RNF216: variants seen among roughly 807,000 people sequenced by gnomAD.
The protein encoded by RNF216 is E3 ubiquitin-protein ligase RNF216.
Under a neutral mutation model 110.8 loss-of-function variants are expected in RNF216, and 72 were observed. The observed-to-expected ratio is 0.65, with a 90% CI of 0.54 to 0.79. RNF216 has a LOEUF of 0.79. Ranked by LOEUF, RNF216 falls within the 30% of genes least tolerant of loss-of-function variation. The pLI is 0.00. For synonymous variants in RNF216, 495 were observed against 407.5 expected, an observed-to-expected ratio of 1.21 and a Z score of -2.59; for missense variants, 1,342 against 1,141.2, an observed-to-expected ratio of 1.18 and a Z score of -2.54.
intron 13 of RNF216, among the ~76,000 whole-genome samples, chr7:5,710,033 C>A (rs183897450): frequency 9.1e-4 from 138 of 152,310 alleles, no homozygotes; most frequent in African/African-American, 3.0e-3. Context: ...GGATTACAGG[C>A]ATGAGCCACT....
chr7:5,642,861 T>A (rs748585339), intron 14 of RNF216, among the ~76,000 whole-genome samples: 1 of 152,216 alleles, frequency 6.6e-6, no homozygotes, highest in Non-Finnish European at 1.5e-5. Flanking sequence ...AGCACAAACC[T>A]TCTCTGTAAG....
At chr7:5,660,953 T>TTTTTTTTTTTTTTG (rs1562800003) in intron 13 of RNF216, among the ~76,000 whole-genome samples, 2 of 133,868 alleles carry the variant, frequency 1.5e-5, no homozygotes, top group African/African-American at 5.8e-5. Flanking sequence ...GTTTTTTTTT[T>TTTTTTTTTTTTTTG]TTTTTTTTTT....
At chr7:5,719,599 T>C (rs1049522971) in intron 9 of RNF216, among the ~76,000 whole-genome samples, 2 of 152,192 alleles carry the variant, frequency 1.3e-5, no homozygotes, top group African/African-American at 4.8e-5. Context: ...ATGAACTACA[T>C]TCATCAATTT....
intron 7 of RNF216, among the ~76,000 whole-genome samples, chr7:5,727,480 G>A (rs111230842): frequency 2.0e-5 from 3 of 152,292 alleles, no homozygotes; most frequent in Admixed American, 2.0e-4. Context: ...GCAACCCAGT[G>A]CTTTAGGAGG....
At chr7:5,664,286 G>C (rs1381678000) in intron 13 of RNF216, among the ~76,000 whole-genome samples, 1 of 151,976 alleles carries the variant, frequency 6.6e-6, no homozygotes, top group African/African-American at 2.4e-5. Flanking sequence ...TAATATATAC[G>C]ACCCTTTCAG....
Position 5,739,363 on chromosome 7 carries a change from A to G in RNF216, c.1045-11T>C. ...TGGAAATCTTGCTTCCTAGAAACAA[A>G]TAAGAACATAATTTATATTTCATTC... On this transcript the variant is annotated splice_polypyrimidine_tract_variant and intron_variant, in intron 4 of 16. Coordinates refer to ENST00000389902, the MANE Select transcript of RNF216 (RefSeq NM_207111.4). 2 of 1,588,274 alleles carry G rather than the reference A, an allele frequency of 1.3e-6. No homozygotes were observed. Among genetic ancestry groups the G allele is most frequent in the South Asian group, 2.3e-5 (2 of 86,260 alleles).
chr7:5,711,259 G>A (rs556039605), intron 13 of RNF216, among the ~76,000 whole-genome samples: 12 of 152,320 alleles, frequency 7.9e-5, no homozygotes, highest in Non-Finnish European at 1.3e-4. Flanking sequence ...CTGCTCCCAC[G>A]TAATATAGTC....
intron 13 of RNF216, among the ~76,000 whole-genome samples, chr7:5,658,431 C>T (rs1788883394): frequency 6.6e-6 from 1 of 151,988 alleles, no homozygotes; most frequent in African/African-American, 2.4e-5. Flanking sequence ...CCGATGTGGG[C>T]AGATCACGTA....
At chr7:5,663,366 G>T (rs890223851) in intron 13 of RNF216, among the ~76,000 whole-genome samples, 15 of 152,032 alleles carry the variant, frequency 9.9e-5, no homozygotes, top group African/African-American at 3.6e-4. Flanking sequence ...GGATCATGAC[G>T]TCAGGAGATC....
intron 5 of RNF216, among the ~76,000 whole-genome samples, chr7:5,735,331 G>C (rs1794332677): frequency 6.6e-6 from 1 of 152,008 alleles, no homozygotes; most frequent in Admixed American, 6.6e-5. Flanking sequence ...AAATACACAA[G>C]AAAACTAGGC....
intron 1 of RNF216, among the ~76,000 whole-genome samples, chr7:5,765,653 G>C (rs1157045569): frequency 6.7e-6 from 1 of 150,024 alleles, no homozygotes; most frequent in African/African-American, 2.5e-5. Context: ...GCATGAAAAA[G>C]AAACATGGGG....
chr7:5,663,764 G>A (rs1342269455), intron 13 of RNF216, among the ~76,000 whole-genome samples: 1 of 151,842 alleles, frequency 6.6e-6, no homozygotes, highest in Non-Finnish European at 1.5e-5. Flanking sequence ...CGGGTGTGGT[G>A]GCGCACGCCT....
At chr7:5,725,866 G>C (rs1168231836) in intron 7 of RNF216, among the ~76,000 whole-genome samples, 1 of 149,254 alleles carries the variant, frequency 6.7e-6, no homozygotes, top group Non-Finnish European at 1.5e-5. Flanking sequence ...AAAAGGAATA[G>C]GCAGTGGTAA....
intron 14 of RNF216, among the ~76,000 whole-genome samples, chr7:5,647,877 T>C (rs1355868415): frequency 6.6e-6 from 1 of 152,208 alleles, no homozygotes. Context: ...GTAATGGCCT[T>C]CTAAATTTTC....
In RNF216 at chr7:5,729,525, A is replaced by G. The variant is rs1562437664; in HGVS notation, c.1296T>C (p.Ala432=). ...CTTTGAAGTCGGCCATGAGGAGGTC[A>G]GCAGCTTGGATGAAGCAGCGCTGGT... is the stretch of plus-strand genomic sequence containing the variant. The part of the protein sequence containing the change: ...PLDQRCFIQA[A]DLLMADFKVL... Residue 432 remains alanine, a synonymous_variant, in exon 7 of 17, where the codon GCT becomes GCC. Coordinates refer to ENST00000389902, the MANE Select transcript of RNF216 (RefSeq NM_207111.4). The G allele has an allele frequency of 6.2e-7, 1 of 1,614,208 alleles. No individual in the cohort carries two copies. Among genetic ancestry groups the G allele is most frequent in the Non-Finnish European group, 8.5e-7 (1 of 1,180,012 alleles).
chr7:5,693,583 G>C (rs1014161525), intron 13 of RNF216, among the ~76,000 whole-genome samples: 10 of 152,190 alleles, frequency 6.6e-5, no homozygotes, highest in Non-Finnish European at 7.3e-5. Context: ...AGCTTAAAGA[G>C]GGAACTTCAG....
chr7:5,778,714 A>G (rs542828744), intron 1 of RNF216, among the ~76,000 whole-genome samples: 7 of 152,016 alleles, frequency 4.6e-5, no homozygotes, highest in South Asian at 2.1e-4. Context: ...TTGGGACTAG[A>G]TATTTTTCAG....
chr7:5,752,909 C>T lies in RNF216; in HGVS notation c.138G>A (p.Leu46=). The T allele has an allele frequency of 6.2e-7, 1 of 1,612,020 alleles. No homozygotes were observed. The highest frequency in any genetic ancestry group is 8.5e-7 in the Non-Finnish European group (1 of 1,179,146). Residue 46 remains leucine, a synonymous_variant, in exon 3 of 17, where the codon CTG becomes CTA. Transcript: ENST00000389902. The part of the protein sequence containing the change: ...DSSDEERIPM[L]VTPAPQQHEE... Reference sequence around the variant, plus strand: ...CATGCTGCTGAGGAGCTGGGGTGACCAGCATTGGAATCCTTTCCTCATCTG... The same window carrying T: ...CATGCTGCTGAGGAGCTGGGGTGACTAGCATTGGAATCCTTTCCTCATCTG...
intron 5 of RNF216, among the ~76,000 whole-genome samples, chr7:5,737,390 A>G (rs1794483990): frequency 6.6e-6 from 1 of 151,700 alleles, no homozygotes; most frequent in Non-Finnish European, 1.5e-5. Flanking sequence ...ACTGCGGAAG[A>G]CCCCAGGGTC....
Sources: allele counts gnomAD v4.1 joint callset (sites outside exome capture counted in the v4.1 genomes callset), GRCh38; gene constraint gnomAD v4.1.1; transcripts MANE v1.5; gene names NCBI Gene and HGNC (gene_info 2026-07-23, HGNC 2026-07-21).